PTPRN2: variants seen among roughly 807,000 people sequenced by gnomAD.
The protein encoded by PTPRN2 is receptor-type tyrosine-protein phosphatase N2.
A neutral mutation model predicts 118.8 loss-of-function variants in PTPRN2; 74 were observed. The ratio of observed to expected loss-of-function variants is 0.62; its 90% CI spans 0.52 to 0.76. PTPRN2 has a LOEUF of 0.76. Ranked by LOEUF, PTPRN2 falls within the 30% of genes least tolerant of loss-of-function variation. The pLI, the probability that PTPRN2 is intolerant of heterozygous loss-of-function variation, is 0.00. For synonymous variants in PTPRN2, 641 were observed against 608.0 expected, an observed-to-expected ratio of 1.05 and a Z score of -0.80; for missense variants, 1,481 against 1,394.4, an observed-to-expected ratio of 1.06 and a Z score of -0.99.
In PTPRN2 at chr7:158,544,905, C is replaced by T. The variant is rs752249144; in HGVS notation, c.112+42653G>A. On this transcript the variant is annotated intron_variant, in intron 1 of 22. Transcript: ENST00000389418. The surrounding 1 kb of genome is among the most constrained non-coding windows in gnomAD (Gnocchi z 4.2). The stretch of plus-strand genomic sequence containing the variant: ...CTGCCCACACTGGTGCTCACACTCA[C>T]GTGATCACACCCACTCTTTCTTCTT... 1.3e-5 allele frequency among the ~76,000 whole-genome samples: 2 copies of T among 152,206 alleles called. No individual in the cohort carries two copies. Among genetic ancestry groups the T allele is most frequent in the African/African-American group, 4.8e-5 (2 of 41,464 alleles).
At chr7:158,144,950 G>A (rs1363942099) in intron 6 of PTPRN2, among the ~76,000 whole-genome samples, 1 of 142,160 alleles carries the variant, frequency 7.0e-6, no homozygotes, top group African/African-American at 2.7e-5. Flanking sequence ...GGCTCGGCAA[G>A]ACTTCCCTCA....
chr7:158,153,123 G>A (rs936644538), intron 6 of PTPRN2, among the ~76,000 whole-genome samples: 9 of 152,210 alleles, frequency 5.9e-5, no homozygotes, highest in African/African-American at 2.2e-4. Context: ...CCATCGACCA[G>A]CGGAACGATG....
chr7:158,064,449 C>T (rs1277775361), intron 11 of PTPRN2, among the ~76,000 whole-genome samples: 1 of 152,122 alleles, frequency 6.6e-6, no homozygotes, highest in Non-Finnish European at 1.5e-5. Context: ...GGGTCACAGC[C>T]ATGGGGGAGC....
At chr7:157,743,002 G>A (rs1479737507) in intron 12 of PTPRN2, among the ~76,000 whole-genome samples, 1 of 152,214 alleles carries the variant, frequency 6.6e-6, no homozygotes, top group Non-Finnish European at 1.5e-5. Context: ...TGCTAAGGCT[G>A]TGCTTGTGTT....
intron 3 of PTPRN2, among the ~76,000 whole-genome samples, chr7:158,265,104 G>A (rs1166254797): frequency 6.6e-6 from 1 of 152,008 alleles, no homozygotes; most frequent in African/African-American, 2.4e-5. Context: ...AGCCCCCAAG[G>A]TAGTGCATGC....
At chr7:157,999,618 G>A (rs994033357) in intron 11 of PTPRN2, among the ~76,000 whole-genome samples, 1 of 152,126 alleles carries the variant, frequency 6.6e-6, no homozygotes, top group Non-Finnish European at 1.5e-5. Flanking sequence ...CTGTCATCGG[G>A]AGACTCGTCC....
intron 6 of PTPRN2, among the ~76,000 whole-genome samples, chr7:158,150,741 C>A (rs767521859): frequency 2.9e-4 from 44 of 151,994 alleles, no homozygotes; most frequent in Non-Finnish European, 5.7e-4. Flanking sequence ...AAGCTCTCTT[C>A]TTTCCTGGTC....
intron 11 of PTPRN2, among the ~76,000 whole-genome samples, chr7:157,998,905 C>T (rs953655581): frequency 1.6e-4 from 24 of 151,742 alleles, no homozygotes; most frequent in African/African-American, 3.9e-4. Flanking sequence ...TCATGCCCCA[C>T]GTAAGAGGGT....
chr7:157,768,231 A>C (rs1044686102), intron 12 of PTPRN2, among the ~76,000 whole-genome samples: 6 of 152,254 alleles, frequency 3.9e-5, no homozygotes, highest in Non-Finnish European at 8.8e-5. Flanking sequence ...TCAAATCCAG[A>C]GCACAGGAGA....
chr7:158,316,796 G>T, intron 3 of PTPRN2, 23 bp downstream of exon 3: 1 of 1,563,764 alleles, frequency 6.4e-7, no homozygotes, highest in Non-Finnish European at 8.6e-7. Flanking sequence ...CAGCCGCCGA[G>T]CCTCGGCCCA....
chr7:157,589,766 A>AGTT (rs1183797446), intron 17 of PTPRN2, among the ~76,000 whole-genome samples: 6 of 152,356 alleles, frequency 3.9e-5, no homozygotes, highest in Non-Finnish European at 7.3e-5. Flanking sequence ...TTAAAAAGAA[A>AGTT]GTTTAGGATT....
chr7:157,718,061 T>C (rs1252684574), intron 12 of PTPRN2, among the ~76,000 whole-genome samples: 2 of 152,264 alleles, frequency 1.3e-5, no homozygotes, highest in African/African-American at 2.4e-5. Context: ...CTGTGAGTGG[T>C]GAGGTCTCTC....
chr7:158,250,547 C>T (rs1413551478), intron 3 of PTPRN2, among the ~76,000 whole-genome samples: 4 of 151,998 alleles, frequency 2.6e-5, no homozygotes, highest in Admixed American at 2.6e-4. Flanking sequence ...ACATTCCATA[C>T]ATATGCACAC....
chr7:157,734,161 CT>C (rs1433756018), intron 12 of PTPRN2, among the ~76,000 whole-genome samples: 1 of 139,360 alleles, frequency 7.2e-6, no homozygotes, highest in African/African-American at 2.8e-5. Context: ...CACAGTTACT[CT>C]TTTCCACCCC....
intron 2 of PTPRN2, among the ~76,000 whole-genome samples, chr7:158,320,092 C>G (rs1263345474): frequency 1.1e-5 from 1 of 89,498 alleles, no homozygotes; most frequent in African/African-American, 4.2e-5. Flanking sequence ...CTCACACACA[C>G]TCACATAGTC....
At chr7:158,228,122 G>C (rs565645905) in intron 3 of PTPRN2, among the ~76,000 whole-genome samples, 8 of 152,302 alleles carry the variant, frequency 5.3e-5, no homozygotes, top group African/African-American at 1.9e-4. Flanking sequence ...CATTTACAAA[G>C]ACAGTTTAGA....
intron 11 of PTPRN2, among the ~76,000 whole-genome samples, chr7:158,064,282 C>T (rs1338891199): frequency 1.3e-5 from 2 of 152,168 alleles, no homozygotes; most frequent in African/African-American, 4.8e-5. Context: ...AAGTCCAGGG[C>T]TCAGAAGCAG....
chr7:158,159,691 T>C (rs1348681566), intron 6 of PTPRN2, among the ~76,000 whole-genome samples: 6 of 152,194 alleles, frequency 3.9e-5, no homozygotes, highest in Admixed American at 2.0e-4. Flanking sequence ...GAAAACGGTG[T>C]CTGATGCATC....
chr7:157,620,596 G>A (rs1054835079), intron 15 of PTPRN2, among the ~76,000 whole-genome samples: 8 of 152,230 alleles, frequency 5.3e-5, no homozygotes, highest in Admixed American at 3.9e-4. Flanking sequence ...CAGATGTGAC[G>A]TGGAGGCTCC....
Sources: allele counts gnomAD v4.1 joint callset (sites outside exome capture counted in the v4.1 genomes callset), GRCh38; gene constraint gnomAD v4.1.1; non-coding constraint Gnocchi (gnomAD v3.1); transcripts MANE v1.5; gene names NCBI Gene and HGNC (gene_info 2026-07-23, HGNC 2026-07-21).